Variants in SCHIP1 observed in about 807,000 individuals in gnomAD.
SCHIP1 encodes schwannomin interacting protein 1.
A neutral mutation model predicts 29.7 loss-of-function variants in SCHIP1; 8 were observed. The observed-to-expected ratio is 0.27, with a 90% CI of 0.16 to 0.49. SCHIP1 has a LOEUF of 0.49. Ranked by LOEUF, SCHIP1 falls within the 20% of genes least tolerant of loss-of-function variation. The probability of loss-of-function intolerance (pLI) is 0.99; values close to 1 mark genes in which losing one functional copy is unlikely to be tolerated. For missense variants in SCHIP1, 193 were observed against 294.6 expected, an observed-to-expected ratio of 0.66 and a Z score of 2.52; for synonymous variants, 76 against 94.9, an observed-to-expected ratio of 0.80 and a Z score of 1.16.
the SCHIP1 span, among the ~76,000 whole-genome samples, chr3:159,480,389 C>T: frequency 1.8e-3 from 275 of 152,216 alleles, 1 homozygote; most frequent in Admixed American, 4.1e-3. Flanking sequence ...TCCACATGTT[C>T]CCTCTGTACC....
chr3:159,460,048 T>A, the SCHIP1 span, among the ~76,000 whole-genome samples: 3 of 152,182 alleles, frequency 2.0e-5, no homozygotes, highest in South Asian at 2.1e-4. Flanking sequence ...CTGGGCACTG[T>A]CACAGGCTCC....
chr3:159,392,752 G>C, the SCHIP1 span, among the ~76,000 whole-genome samples: 2 of 152,084 alleles, frequency 1.3e-5, no homozygotes, highest in Admixed American at 1.3e-4. Flanking sequence ...TTGCTATTGT[G>C]AATAGAGCCG....
the SCHIP1 span, among the ~76,000 whole-genome samples, chr3:159,289,183 C>T: frequency 1.3e-5 from 2 of 152,166 alleles, no homozygotes; most frequent in African/African-American, 4.8e-5. Context: ...CACTGAGTTC[C>T]CTGCCTGCTC....
At chr3:159,396,866 C>A in the SCHIP1 span, among the ~76,000 whole-genome samples, 1 of 151,500 alleles carries the variant, frequency 6.6e-6, no homozygotes, top group East Asian at 1.9e-4. Flanking sequence ...GAACGTTGGC[C>A]TGCCTTGCTA....
chr3:159,387,030 A>C, the SCHIP1 span: 1 of 160,390 alleles, frequency 6.2e-6, no homozygotes, highest in African/African-American at 2.4e-5. Flanking sequence ...TTGCCAGTGC[A>C]TCTGAGGGCA....
chr3:159,532,790 A>G, the SCHIP1 span, among the ~76,000 whole-genome samples: 1 of 152,162 alleles, frequency 6.6e-6, no homozygotes, highest in African/African-American at 2.4e-5. Flanking sequence ...TGATGACATC[A>G]CTAGAACTGA....
At chr3:159,854,371 T>C (rs887429226) in intron 1 of SCHIP1, among the ~76,000 whole-genome samples, 4 of 152,234 alleles carry the variant, frequency 2.6e-5, no homozygotes, top group African/African-American at 9.6e-5. Flanking sequence ...TTATATCTTA[T>C]ATACATATAT....
At chr3:159,408,945 A>G in the SCHIP1 span, among the ~76,000 whole-genome samples, 1 of 152,364 alleles carries the variant, frequency 6.6e-6, no homozygotes, top group South Asian at 2.1e-4. Context: ...CATTATAACC[A>G]GGTGGGATTT....
At chr3:159,300,905 G>A in the SCHIP1 span, among the ~76,000 whole-genome samples, 2 of 152,104 alleles carry the variant, frequency 1.3e-5, no homozygotes, top group Non-Finnish European at 2.9e-5. Context: ...TGTGAGATAT[G>A]CTGTTTCTTA....
the SCHIP1 span, chr3:159,273,719 C>T: frequency 7.2e-6 from 11 of 1,533,808 alleles, no homozygotes; most frequent in Non-Finnish European, 9.7e-6. Flanking sequence ...TTTTAGACAA[C>T]CTTACTAGCT....
At chr3:159,396,573 C>G in the SCHIP1 span, among the ~76,000 whole-genome samples, 1 of 149,872 alleles carries the variant, frequency 6.7e-6, no homozygotes, top group Admixed American at 6.7e-5. Flanking sequence ...TTCTCCTTCA[C>G]TTATAAAGCT....
chr3:159,455,649 G>A, the SCHIP1 span, among the ~76,000 whole-genome samples: 1 of 152,320 alleles, frequency 6.6e-6, no homozygotes, highest in South Asian at 2.1e-4. Context: ...TTGTCAAGCT[G>A]ACATGAAAAT....
At chr3:159,887,611 G>T in intron 3 of SCHIP1, 97 bp from the exon 5 acceptor site, 2 of 1,383,110 alleles carry the variant, frequency 1.4e-6, no homozygotes, top group Non-Finnish European at 2.0e-6. Context: ...ACTCTGAGCT[G>T]CTCTGAGAGA....
upstream of SCHIP1, among the ~76,000 whole-genome samples, chr3:159,839,373 C>T (rs1743988171): frequency 6.6e-6 from 1 of 151,474 alleles, no homozygotes; most frequent in African/African-American, 2.4e-5. Flanking sequence ...AGCTCTCTCC[C>T]TAAAAAAACT....
chr3:159,607,191 C>T, the SCHIP1 span, among the ~76,000 whole-genome samples: 2 of 152,190 alleles, frequency 1.3e-5, no homozygotes, highest in Non-Finnish European at 1.5e-5. Flanking sequence ...TCTATATACA[C>T]ATACACTTTG....
At chr3:159,828,467 A>G in the SCHIP1 span, among the ~76,000 whole-genome samples, 1 of 141,938 alleles carries the variant, frequency 7.0e-6, no homozygotes, top group Non-Finnish European at 1.6e-5. Context: ...ATATATGTAT[A>G]TATACACACA....
At chr3:159,460,188 T>G in the SCHIP1 span, among the ~76,000 whole-genome samples, 2 of 152,198 alleles carry the variant, frequency 1.3e-5, no homozygotes, top group Non-Finnish European at 2.9e-5. Context: ...GCTCTCCATG[T>G]TTTAGAATTC....
At chr3:159,577,334 T>C in the SCHIP1 span, among the ~76,000 whole-genome samples, 2 of 152,230 alleles carry the variant, frequency 1.3e-5, no homozygotes, top group Non-Finnish European at 2.9e-5. Context: ...TCTTGCACAG[T>C]TGCTGAAGTT....
At chr3:159,340,293 A>G in the SCHIP1 span, among the ~76,000 whole-genome samples, 1 of 152,104 alleles carries the variant, frequency 6.6e-6, no homozygotes, top group Admixed American at 6.6e-5. Context: ...TCAAAGATAG[A>G]TGAACTAACA....
Sources: gnomAD v4.1 joint callset for allele counts (sites outside exome capture counted in the v4.1 genomes callset) on GRCh38, gnomAD v4.1.1 for gene constraint, MANE v1.5 for transcripts, NCBI Gene and HGNC (gene_info 2026-07-23, HGNC 2026-07-21) for gene names.